COQ2: variants seen among roughly 807,000 people sequenced by gnomAD.
COQ2 encodes 4-hydroxybenzoate polyprenyltransferase, mitochondrial.
A neutral mutation model predicts 35.7 loss-of-function variants in COQ2; 25 were observed. The observed-to-expected ratio is 0.70, with a 90% CI of 0.51 to 0.98. The LOEUF (loss-of-function observed/expected upper bound fraction) is 0.98. Ranked by LOEUF, COQ2 falls within the 50% of genes least tolerant of loss-of-function variation. The pLI, the probability that COQ2 is intolerant of heterozygous loss-of-function variation, is 0.00. For synonymous variants in COQ2, 206 were observed against 186.2 expected, an observed-to-expected ratio of 1.11 and a Z score of -0.86; for missense variants, 488 against 473.5, an observed-to-expected ratio of 1.03 and a Z score of -0.28.
intron 5 of COQ2, among the ~76,000 whole-genome samples, chr4:83,268,221 G>T (rs1734969097): frequency 1.3e-5 from 2 of 152,186 alleles, no homozygotes; most frequent in South Asian, 4.1e-4. Flanking sequence ...AAAAGTCACA[G>T]ATGTAGAAAA....
At chr4:83,271,650 A>G (rs1351944759) in intron 4 of COQ2, among the ~76,000 whole-genome samples, 1 of 152,102 alleles carries the variant, frequency 6.6e-6, no homozygotes, top group East Asian at 1.9e-4. Context: ...CTGTCTCTAC[A>G]AGAAATACAA....
chr4:83,280,133 CT>C (rs1735285023), intron 1 of COQ2, among the ~76,000 whole-genome samples: 1 of 152,058 alleles, frequency 6.6e-6, no homozygotes, highest in African/African-American at 2.4e-5. Flanking sequence ...TTATTTTGAA[CT>C]GAGTACTTTG....
chr4:83,284,787 G>GCT lies in COQ2; in HGVS notation c.-25_-24dup. On this transcript the variant is annotated 5_prime_UTR_variant, in exon 1 of 7. Coordinates refer to ENST00000647002, the MANE Select transcript of COQ2 (RefSeq NM_001358921.2). Reference sequence around the variant, plus strand: ...CATGGCGCTGGTGAGGCCGGGACGAGCTCGGATTGACGTCATTCCCCGGCA... The same window carrying GCT: ...CATGGCGCTGGTGAGGCCGGGACGAGCTCTCGGATTGACGTCATTCCCCGGCA... The GCT allele has an allele frequency of 6.4e-7, 1 of 1,567,110 alleles. No homozygotes were observed. Among genetic ancestry groups the GCT allele is most frequent in the Non-Finnish European group, 8.6e-7 (1 of 1,163,654 alleles).
chr4:83,279,301 A>G (rs111726025), intron 1 of COQ2, among the ~76,000 whole-genome samples, 187 bp from the exon 2 acceptor site: 1 of 145,524 alleles, frequency 6.9e-6, no homozygotes, highest in South Asian at 2.1e-4. Context: ...GCCTAGAAGA[A>G]AGAGATCAAC....
At chr4:83,269,465 A>C (rs1184285977) in intron 5 of COQ2, among the ~76,000 whole-genome samples, 1 of 151,320 alleles carries the variant, frequency 6.6e-6, no homozygotes, top group Non-Finnish European at 1.5e-5. Flanking sequence ...TCTGCCACCC[A>C]CTAACTGTGT....
intron 2 of COQ2, among the ~76,000 whole-genome samples, chr4:83,275,415 C>CT (rs11293285): frequency 2.6e-4 from 38 of 148,034 alleles, no homozygotes; most frequent in South Asian, 1.3e-3. Context: ...GCCAAGTAGG[C>CT]TTTTTTTTTT....
intron 1 of COQ2, chr4:83,283,615 A>C: frequency 1.0e-6 from 1 of 985,460 alleles, no homozygotes; most frequent in South Asian, 4.7e-5. Flanking sequence ...TATTTGATCC[A>C]TATTTTCCTA....
At chr4:83,275,780 AT>A (rs1735152046) in intron 2 of COQ2, among the ~76,000 whole-genome samples, 1 of 151,906 alleles carries the variant, frequency 6.6e-6, no homozygotes, top group East Asian at 1.9e-4. Flanking sequence ...GCAATTCAGA[AT>A]TTTGCAGTTT....
intron 1 of COQ2, chr4:83,283,456 CT>C (rs955290436): frequency 6.1e-6 from 6 of 985,438 alleles, no homozygotes; most frequent in Admixed American, 1.2e-4. Flanking sequence ...ACCCTTGGGT[CT>C]TTGCAAAAGT....
Position 83,269,838 on chromosome 4 carries a change from TAAG to T in COQ2, c.762+19_762+21del. On this transcript the variant is annotated intron_variant, in intron 5 of 6. Coordinates refer to ENST00000647002, the MANE Select transcript of COQ2 (RefSeq NM_001358921.2). ...AAAACAGCAACAACTAAACCAAAGTTAAGAAAAGATAATTTCTTTACCTGATGG... is the reference window on the plus strand; with the variant it reads ...AAAACAGCAACAACTAAACCAAAGTTAAAAGATAATTTCTTTACCTGATGG... The T allele has an allele frequency of 6.6e-7, 1 of 1,519,384 alleles. No individual in the cohort carries two copies. The highest frequency in any genetic ancestry group is 8.8e-7 in the Non-Finnish European group (1 of 1,133,292). The allele number at this position is 1,519,384 out of a possible 1,614,324, so 94.1% of individuals were successfully genotyped here.
rs936872920 is a variant in COQ2, at chr4:83,284,619, G to T, written c.146C>A (p.Pro49His). The stretch of plus-strand genomic sequence containing the variant: ...ACTGAGCTGGCGCCCGCGCGGCTCG[G>T]GACAGGCGGGGGGCTGCAAGTCACC... ...HGGDLQPPAC[P>H]EPRGRQLSLS... Residue 49 changes from proline (P) to histidine (H), a missense_variant, in exon 1 of 7, where the codon CCC becomes CAC. Coordinates refer to ENST00000647002, the MANE Select transcript of COQ2 (RefSeq NM_001358921.2). The T allele has an allele frequency of 4.1e-5, 63 of 1,523,924 alleles. No individual in the cohort carries two copies. The highest frequency in any genetic ancestry group is 5.0e-5 in the Non-Finnish European group (57 of 1,136,930). 94.4% of individuals were successfully genotyped at this position (1,523,924 alleles called of 1,614,324 possible). A position where few individuals can be genotyped will look rare whatever the true frequency, so the allele number is the denominator to read the frequency against.
intron 1 of COQ2, chr4:83,283,386 AT>A (rs1479690332): frequency 1.0e-6 from 1 of 985,086 alleles, no homozygotes; most frequent in African/African-American, 1.7e-5. Flanking sequence ...CTCGTTTCCC[AT>A]TTTCCACACC....
Position 83,273,561 on chromosome 4 carries a change from G to C in COQ2, c.477C>G (p.Ser159=). 1 of 1,613,648 alleles carries C rather than the reference G, an allele frequency of 6.2e-7. No homozygotes were observed. ...IAAGDISTFQ[S]FVFLGGQLTL... is the part of the protein sequence containing the mutation. ...TTAGCTGTCCCCCAAGAAAAACAAAGGACTGAAAAGTTGAAATGTCTCCAG... is the reference window on the plus strand; with the variant it reads ...TTAGCTGTCCCCCAAGAAAAACAAACGACTGAAAAGTTGAAATGTCTCCAG... The change falls in exon 3 of 7, where the codon TCC becomes TCG. Residue 159 remains serine (S), a synonymous_variant. Coordinates refer to ENST00000647002, the MANE Select transcript of COQ2 (RefSeq NM_001358921.2).
Position 83,267,635 on chromosome 4 carries a change from G to A in COQ2, c.902C>T (p.Ala301Val). Reference protein sequence around the residue: ...SLVGVNSGQTAPYYAALGAVG... With the variant: ...SLVGVNSGQTVPYYAALGAVG... ...AGCACCCAGGGCAGCGTAGTAGGGA[G>A]CAGTCTGTCCACTGTTCACACCCAC... is the stretch of plus-strand genomic sequence containing the variant. The change falls in exon 6 of 7, where the codon GCT (alanine) becomes GTT (valine). Residue 301 changes from alanine (A) to valine (V), a missense_variant. Ala to Val is a moderately conservative substitution (Grantham distance 64). Coordinates refer to ENST00000647002, the MANE Select transcript of COQ2 (RefSeq NM_001358921.2). 1 of 1,584,532 alleles carries A rather than the reference G, an allele frequency of 6.3e-7. No homozygotes were observed. Among genetic ancestry groups the A allele is most frequent in the African/African-American group, 1.3e-5 (1 of 74,212 alleles).
At chr4:83,284,973 G>C, upstream of COQ2, 1 of 1,201,386 alleles carries the variant, frequency 8.3e-7, no homozygotes, top group Non-Finnish European at 1.1e-6. Flanking sequence ...ATTGGCAAAA[G>C]GCAAAAAAAT....
chr4:83,267,433 G>A lies in COQ2; in HGVS notation c.951+153C>T, dbSNP rs56127236. ...TAGAGCTAGCTTTCTTATAAGTTGA[G>A]GCCGGAGGGCAGGGGGGTCTGTTAA... On this transcript the variant is annotated intron_variant, in intron 6 of 6. Coordinates refer to ENST00000647002, the MANE Select transcript of COQ2 (RefSeq NM_001358921.2). 0.025 allele frequency among the ~76,000 whole-genome samples: 3,855 copies of A among 152,244 alleles called. 57 individuals are homozygous for A. Among genetic ancestry groups the A allele is most frequent in the African/African-American group, 0.037 (1,533 of 41,540 alleles).
intron 5 of COQ2, among the ~76,000 whole-genome samples, chr4:83,268,210 CAA>C (rs1359123534): frequency 1.3e-5 from 2 of 152,168 alleles, no homozygotes; most frequent in Admixed American, 6.6e-5. Flanking sequence ...TTCAATCTTG[CAA>C]AAGTCACAGA....
chr4:83,267,308 T>C (rs534293298), intron 6 of COQ2: 40 of 419,692 alleles, frequency 9.5e-5, no homozygotes, highest in South Asian at 6.4e-4. Flanking sequence ...GTCCAGGAGT[T>C]AGAGGTTGCA....
chr4:83,279,103 G>A lies in COQ2; in HGVS notation c.265C>T (p.Leu89=), dbSNP rs899930727. 4 of 1,563,882 alleles carry A rather than the reference G, an allele frequency of 2.6e-6. No homozygotes were observed. The African/African-American group carries it at 5.5e-5, about 21-fold the overall frequency. The change falls in exon 2 of 7, where the codon CTG becomes TTG. Residue 89 remains leucine, a synonymous_variant. Coordinates refer to ENST00000647002, the MANE Select transcript of COQ2 (RefSeq NM_001358921.2). ...ATGCTCCAGGTACATGGTAAATACA[G>A]AAGCCAGGTTCCTAAGCAAAAATAA... ...RLDKPIGTWL[L]YLPCTWSIGL...
Sources: allele counts gnomAD v4.1 joint callset (sites outside exome capture counted in the v4.1 genomes callset), GRCh38; gene constraint gnomAD v4.1.1; transcripts MANE v1.5; gene names NCBI Gene and HGNC (gene_info 2026-07-23, HGNC 2026-07-21).